Variants in POLR3B observed in about 807,000 individuals in gnomAD.
POLR3B encodes RNA polymerase III subunit B.
POLR3B carries 96 observed loss-of-function variants against 147.4 expected under a neutral mutation model. That is an observed-to-expected ratio of 0.65 (90% CI 0.55 to 0.77). The LOEUF (loss-of-function observed/expected upper bound fraction) is 0.77. POLR3B is among the 30% of genes least tolerant of loss of function. The pLI, the probability that POLR3B is intolerant of heterozygous loss-of-function variation, is 0.00. For missense variants in POLR3B, 1,036 were observed against 1,413.5 expected, an observed-to-expected ratio of 0.73 and a Z score of 4.28; for synonymous variants, 461 against 485.9, an observed-to-expected ratio of 0.95 and a Z score of 0.67.
chr12:106,425,619 G>T (rs909075878), intron 12 of POLR3B, among the ~76,000 whole-genome samples: 2 of 152,120 alleles, frequency 1.3e-5, no homozygotes, highest in Non-Finnish European at 2.9e-5. Flanking sequence ...CAACAAAGGG[G>T]TCTTTCTCAG....
rs74432123 is a variant in POLR3B, at chr12:106,397,451, T to C, written c.846+4298T>C. Among the ~76,000 whole-genome samples, 1,474 of 152,336 alleles carry C rather than the reference T, an allele frequency of 9.7e-3. 25 individuals carry two copies. Among genetic ancestry groups the C allele is most frequent in the African/African-American group, 0.034 (1,408 of 41,568 alleles). On this transcript the variant is annotated intron_variant, in intron 10 of 27. Coordinates refer to ENST00000228347, the MANE Select transcript of POLR3B (RefSeq NM_018082.6). ...TCTCTGATTTTTTTCCCCACTATTC[T>C]GATTTTTGCACCGTAGATTAGTTTT...
intron 13 of POLR3B, among the ~76,000 whole-genome samples, chr12:106,429,725 T>G (rs1296384863): frequency 6.6e-6 from 1 of 152,198 alleles, no homozygotes; most frequent in East Asian, 1.9e-4. Context: ...ATTTTTAGAT[T>G]CCTTAAACCT....
rs1164340485 is a variant in POLR3B, at chr12:106,453,375, AAAAGTT to A, written c.2084-1122_2084-1117del. On this transcript the variant is annotated intron_variant, in intron 19 of 27. Coordinates refer to ENST00000228347, the MANE Select transcript of POLR3B (RefSeq NM_018082.6). The stretch of plus-strand genomic sequence containing the variant: ...TGATTTAATGACATGAGTATGGAGA[AAAAGTT>A]AAAGGAAATAAATACTGAGTTTTGG... 6.6e-5 allele frequency among the ~76,000 whole-genome samples: 10 copies of A among 152,236 alleles called. No homozygotes were observed. The South Asian group carries it at 1.4e-3, about 22-fold the overall frequency.
intron 6 of POLR3B, among the ~76,000 whole-genome samples, chr12:106,375,367 G>A (rs2036663636): frequency 6.6e-6 from 1 of 152,126 alleles, no homozygotes; most frequent in Non-Finnish European, 1.5e-5. Flanking sequence ...GCTTTCATAT[G>A]TCTTTAAAAA....
intron 9 of POLR3B, among the ~76,000 whole-genome samples, chr12:106,390,219 G>GGA (rs1555210206): frequency 1.9e-4 from 23 of 119,522 alleles, no homozygotes; most frequent in South Asian, 1.0e-3. Context: ...CTCTGTCTCT[G>GGA]AAAAAAAAAA....
chr12:106,502,616 AT>A (rs1050807016), intron 26 of POLR3B, among the ~76,000 whole-genome samples: 9 of 149,430 alleles, frequency 6.0e-5, no homozygotes, highest in Non-Finnish European at 8.9e-5. Flanking sequence ...TTGGGGTTTC[AT>A]TTTTTTTTTA....
intron 9 of POLR3B, among the ~76,000 whole-genome samples, chr12:106,382,197 C>G (rs2036772513): frequency 6.6e-6 from 1 of 152,196 alleles, no homozygotes; most frequent in Admixed American, 6.5e-5. Context: ...TACCCAGCCC[C>G]TCTTCAAGAG....
intron 23 of POLR3B, among the ~76,000 whole-genome samples, chr12:106,465,912 A>G (rs1275770203): frequency 6.6e-6 from 1 of 152,168 alleles, no homozygotes; most frequent in East Asian, 1.9e-4. Context: ...GAATAGTGCC[A>G]CAATAAACAT....
Position 106,466,808 on chromosome 12 carries a change from T to G in POLR3B, c.2713+3188T>G, listed in dbSNP as rs568649928. ...AGGCCTCTGTTCTGTTCCATTGGTC[T>G]ATATATCTGTTTTGGTACCAGTACC... On this transcript the variant is annotated intron_variant, in intron 23 of 27. Coordinates refer to ENST00000228347, the MANE Select transcript of POLR3B (RefSeq NM_018082.6). 2.4e-3 allele frequency among the ~76,000 whole-genome samples: 364 copies of G among 152,336 alleles called. 2 individuals carry two copies. Among genetic ancestry groups the G allele is most frequent in the African/African-American group, 8.1e-3 (338 of 41,576 alleles).
intron 22 of POLR3B, 48 bp from the exon 23 acceptor site, chr12:106,463,430 A>C (rs1401194612): frequency 6.4e-7 from 1 of 1,571,738 alleles, no homozygotes; most frequent in South Asian, 1.1e-5. Context: ...AGAAGTTCAC[A>C]AAGGGCAGTT....
At chr12:106,482,937 G>A (rs2038289583) in intron 23 of POLR3B, among the ~76,000 whole-genome samples, 1 of 152,124 alleles carries the variant, frequency 6.6e-6, no homozygotes. Context: ...TATCAGAAAT[G>A]AGATGCCTCA....
intron 19 of POLR3B, among the ~76,000 whole-genome samples, chr12:106,450,135 G>T (rs1710415036): frequency 6.6e-6 from 1 of 152,148 alleles, no homozygotes; most frequent in African/African-American, 2.4e-5. Context: ...AAGCAATCCA[G>T]TGGAGAGTAA....
At chr12:106,442,731 C>G (rs1293540849) in intron 18 of POLR3B, among the ~76,000 whole-genome samples, 2 of 150,558 alleles carry the variant, frequency 1.3e-5, no homozygotes, top group Non-Finnish European at 2.9e-5. Flanking sequence ...CTTCAGTCCA[C>G]AGGTGCTGTA....
intron 12 of POLR3B, among the ~76,000 whole-genome samples, chr12:106,422,381 T>G (rs2037384438): frequency 6.6e-6 from 1 of 152,212 alleles, no homozygotes; most frequent in Non-Finnish European, 1.5e-5. Context: ...ACTGAGCAGA[T>G]GGCCAGCATC....
intron 9 of POLR3B, among the ~76,000 whole-genome samples, chr12:106,381,133 T>A (rs746313137): frequency 3.3e-5 from 5 of 152,258 alleles, no homozygotes; most frequent in Non-Finnish European, 7.3e-5. Flanking sequence ...TCAGTGTTGG[T>A]GGCTACTGAC....
At chr12:106,369,242 G>T (rs772172558) in intron 4 of POLR3B, 33 bp from the exon 5 acceptor site, 2 of 1,131,872 alleles carry the variant, frequency 1.8e-6, no homozygotes, top group Non-Finnish European at 2.7e-6. Context: ...CTTCGAAGAA[G>T]TATAATTCAT....
intron 23 of POLR3B, among the ~76,000 whole-genome samples, chr12:106,480,263 T>C (rs991192168): frequency 1.3e-5 from 2 of 152,186 alleles, no homozygotes; most frequent in African/African-American, 4.8e-5. Context: ...TAATACCTGG[T>C]ATACCCCTGA....
At chr12:106,391,381 G>A (rs1165904085) in intron 9 of POLR3B, among the ~76,000 whole-genome samples, 1 of 152,134 alleles carries the variant, frequency 6.6e-6, no homozygotes, top group African/African-American at 2.4e-5. Context: ...TAGAGGTGAG[G>A]CATTGAGCTT....
chr12:106,420,213 CG>C (rs1454143783), intron 12 of POLR3B, among the ~76,000 whole-genome samples: 2 of 152,122 alleles, frequency 1.3e-5, no homozygotes, highest in East Asian at 1.9e-4. Flanking sequence ...CAGTGGGGCA[CG>C]GGGGTAGGGA....
Sources: allele counts gnomAD v4.1 joint callset (sites outside exome capture counted in the v4.1 genomes callset), GRCh38; gene constraint gnomAD v4.1.1; transcripts MANE v1.5; gene names NCBI Gene and HGNC (gene_info 2026-07-23, HGNC 2026-07-21).